PTPRE: variants seen among roughly 807,000 people sequenced by gnomAD.
PTPRE encodes the protein receptor-type tyrosine-protein phosphatase epsilon.
A neutral mutation model predicts 102.0 loss-of-function variants in PTPRE; 51 were observed. That is an observed-to-expected ratio of 0.50 (90% CI 0.40 to 0.63). PTPRE has a LOEUF of 0.63. Among genes scored for constraint, PTPRE ranks in the 30% least tolerant of loss-of-function variants. The probability of loss-of-function intolerance (pLI) is 0.00; values close to 1 mark genes in which losing one functional copy is unlikely to be tolerated. For missense variants in PTPRE, 752 were observed against 915.1 expected, an observed-to-expected ratio of 0.82 and a Z score of 2.30; for synonymous variants, 345 against 348.2, an observed-to-expected ratio of 0.99 and a Z score of 0.10.
At position 128,080,481 on chromosome 10, in the gene PTPRE, G is replaced by A. The variant is rs77585909; in HGVS notation, c.2028+786G>A. 8.4e-3 allele frequency among the ~76,000 whole-genome samples: 1,282 copies of A among 152,304 alleles called. 4 individuals carry two copies. Among genetic ancestry groups the A allele is most frequent in the Non-Finnish European group, 0.012 (833 of 68,024 alleles). On this transcript the variant is annotated intron_variant, in intron 20 of 20. Coordinates refer to ENST00000254667, the MANE Select transcript of PTPRE (RefSeq NM_006504.6). ...CAGGAGCGAGGACACCTGAGCTGAG[G>A]GCGGGTCTGTCCATCCACACCCAAC...
intron 1 of PTPRE, among the ~76,000 whole-genome samples, chr10:127,923,301 G>A (rs1589741240): frequency 6.6e-6 from 1 of 152,294 alleles, no homozygotes; most frequent in Non-Finnish European, 1.5e-5. Context: ...CCTGGCCCCA[G>A]GAGTCTTGGC....
intron 1 of PTPRE, among the ~76,000 whole-genome samples, chr10:127,930,920 G>A (rs143030900): frequency 4.6e-5 from 7 of 151,652 alleles, no homozygotes; most frequent in South Asian, 2.1e-4. Flanking sequence ...AGCCTCCCAC[G>A]TAGCTGGGAT....
At chr10:127,914,677 G>A (rs550801018) in intron 1 of PTPRE, among the ~76,000 whole-genome samples, 10 of 152,274 alleles carry the variant, frequency 6.6e-5, no homozygotes, top group Admixed American at 5.2e-4. Flanking sequence ...TACAGATGTC[G>A]GTGTTTCTTT....
At chr10:127,957,450 A>T (rs1006939133) in intron 1 of PTPRE, among the ~76,000 whole-genome samples, 127 of 152,120 alleles carry the variant, frequency 8.3e-4, no homozygotes, top group Admixed American at 8.2e-3. Context: ...TACATAGATA[A>T]TCATGTAATC....
chr10:127,974,621 T>TTA (rs1156415689), intron 1 of PTPRE, among the ~76,000 whole-genome samples: 1 of 152,248 alleles, frequency 6.6e-6, no homozygotes. Flanking sequence ...GTATTTTTTT[T>TTA]AATCTCTAAA....
chr10:128,059,118 C>T (rs892729728), intron 7 of PTPRE, among the ~76,000 whole-genome samples: 3 of 152,182 alleles, frequency 2.0e-5, no homozygotes, highest in African/African-American at 7.2e-5. Context: ...TAAATCTAAG[C>T]AGAAGGCTAT....
intron 2 of PTPRE, among the ~76,000 whole-genome samples, chr10:128,038,268 A>G (rs1339725414): frequency 6.6e-6 from 1 of 152,186 alleles, no homozygotes; most frequent in Non-Finnish European, 1.5e-5. Flanking sequence ...AAGGATCTAG[A>G]ACTAGAAATA....
intron 2 of PTPRE, among the ~76,000 whole-genome samples, chr10:127,995,670 C>A (rs1853175077): frequency 6.6e-6 from 1 of 152,170 alleles, no homozygotes; most frequent in Non-Finnish European, 1.5e-5. Context: ...TTGATTAATT[C>A]TTCTGGATGG....
At chr10:128,080,620 C>T (rs1397804344) in intron 20 of PTPRE, among the ~76,000 whole-genome samples, 6 of 152,206 alleles carry the variant, frequency 3.9e-5, no homozygotes, top group African/African-American at 1.4e-4. Flanking sequence ...ATTCTATCTT[C>T]GAGAGCATCT....
chr10:127,987,395 G>A (rs917502303), intron 2 of PTPRE: 22 of 1,259,926 alleles, frequency 1.7e-5, no homozygotes, highest in South Asian at 7.5e-5. Context: ...GAAGACAAGA[G>A]GTAACGGGGA....
rs147090390 is a variant in PTPRE at position 127,945,866 on chromosome 10, G to T, written c.-30-36408G>T. Among the ~76,000 whole-genome samples the T allele has an allele frequency of 6.6e-4, 100 of 152,134 alleles. 1 individual carries two copies. In the East Asian group the frequency reaches 0.017, roughly 26 times the overall value. ...CCCCTGTGGGGTCGCTGACATCATG[G>T]AGTTCTCTTCTGGTCGTGCATATTG... is the stretch of plus-strand genomic sequence containing the variant. On this transcript the variant is annotated intron_variant, in intron 1 of 20. Transcript: ENST00000254667.
intron 1 of PTPRE, among the ~76,000 whole-genome samples, chr10:127,927,519 A>T (rs1040265586): frequency 1.7e-4 from 26 of 152,200 alleles, no homozygotes; most frequent in African/African-American, 5.3e-4. Flanking sequence ...TAAGTTGTTC[A>T]GGGCCATGTA....
chr10:127,946,320 A>G (rs1848616632), intron 1 of PTPRE, among the ~76,000 whole-genome samples: 1 of 152,216 alleles, frequency 6.6e-6, no homozygotes, highest in Non-Finnish European at 1.5e-5. Context: ...TATGTGGCCG[A>G]TCCTGCTCAA....
intron 2 of PTPRE, among the ~76,000 whole-genome samples, chr10:127,997,192 A>G (rs1005196089): frequency 2.6e-5 from 4 of 152,198 alleles, no homozygotes; most frequent in African/African-American, 9.7e-5. Context: ...CTTTTGATCA[A>G]TGCTTTTCCC....
intron 16 of PTPRE, 114 bp from the exon 17 acceptor site, chr10:128,073,223 G>A (rs73388013): frequency 7.0e-7 from 1 of 1,435,280 alleles, no homozygotes; most frequent in South Asian, 1.3e-5. Context: ...TGCAGACCAT[G>A]GAGGATGAGA....
intron 1 of PTPRE, among the ~76,000 whole-genome samples, chr10:127,957,347 G>T (rs574900993): frequency 6.6e-6 from 1 of 152,120 alleles, no homozygotes; most frequent in Non-Finnish European, 1.5e-5. Context: ...TTCTGCCTTT[G>T]TATTGCCTTC....
At chr10:127,912,008 T>A (rs957317430) in intron 1 of PTPRE, among the ~76,000 whole-genome samples, 1 of 152,054 alleles carries the variant, frequency 6.6e-6, no homozygotes, top group African/African-American at 2.4e-5. Context: ...AGATGAGCAG[T>A]TGCGGGGTCG....
At chr10:127,990,202 A>G (rs1373687105) in intron 2 of PTPRE, among the ~76,000 whole-genome samples, 1 of 152,098 alleles carries the variant, frequency 6.6e-6, no homozygotes. Context: ...ACTTGAGGTC[A>G]GGAGTTTGAG....
chr10:127,921,341 G>A (rs1278585375), intron 1 of PTPRE, among the ~76,000 whole-genome samples: 1 of 152,206 alleles, frequency 6.6e-6, no homozygotes. Flanking sequence ...GATTTGAAAA[G>A]GGATTGAGAC....
Sources: allele counts gnomAD v4.1 joint callset (sites outside exome capture counted in the v4.1 genomes callset), GRCh38; gene constraint gnomAD v4.1.1; transcripts MANE v1.5; gene names NCBI Gene and HGNC (gene_info 2026-07-23, HGNC 2026-07-21).